Variants in KLF12 observed in about 807,000 individuals in gnomAD.
KLF12 encodes the protein KLF transcription factor 12.
KLF12 carries 9 observed loss-of-function variants against 37.8 expected under a neutral mutation model. The ratio of observed to expected loss-of-function variants is 0.24; its 90% confidence interval spans 0.14 to 0.42. The LOEUF (loss-of-function observed/expected upper bound fraction) is 0.42. Ranked by LOEUF, KLF12 falls within the 10% of genes least tolerant of loss-of-function variation. The probability of loss-of-function intolerance (pLI) is 1.00; values close to 1 mark genes in which losing one functional copy is unlikely to be tolerated. For synonymous variants in KLF12, 208 were observed against 202.1 expected, an observed-to-expected ratio of 1.03 and a Z score of -0.25; for missense variants, 411 against 516.0, an observed-to-expected ratio of 0.80 and a Z score of 1.97.
At chr13:73,818,089 T>C (rs558941124) in intron 4 of KLF12, among the ~76,000 whole-genome samples, 1 of 152,390 alleles carries the variant, frequency 6.6e-6, no homozygotes, top group African/African-American at 2.4e-5. Flanking sequence ...ATTGTGCAGC[T>C]AAGGTTCTTC....
the KLF12 span, among the ~76,000 whole-genome samples, chr13:74,236,154 C>T: frequency 6.9e-6 from 1 of 145,868 alleles, no homozygotes; most frequent in Non-Finnish European, 1.5e-5. Flanking sequence ...TCCATGTGTT[C>T]TCATTGTTCA....
chr13:74,179,403 G>A, the KLF12 span, among the ~76,000 whole-genome samples: 1 of 152,180 alleles, frequency 6.6e-6, no homozygotes, highest in Non-Finnish European at 1.5e-5. Flanking sequence ...CAAGGAAGAT[G>A]CTCTTACTTA....
chr13:73,727,845 G>GCAA (rs1876776533), intron 6 of KLF12, among the ~76,000 whole-genome samples: 1 of 151,984 alleles, frequency 6.6e-6, no homozygotes, highest in African/African-American at 2.4e-5. Context: ...TTACAGACGT[G>GCAA]CAACACCATG....
intron 1 of KLF12, among the ~76,000 whole-genome samples, chr13:74,045,995 C>T (rs2147627): frequency 0.81 from 122,594 of 152,178 alleles, 49,527 homozygotes; most frequent in East Asian, 0.91. Flanking sequence ...TGTTTTGTTC[C>T]TTATTTAGAA....
At chr13:73,992,114 G>C (rs1216130067) in intron 2 of KLF12, among the ~76,000 whole-genome samples, 3 of 152,170 alleles carry the variant, frequency 2.0e-5, no homozygotes, top group Non-Finnish European at 4.4e-5. Context: ...ATGTGGGATG[G>C]GTATGTTCTG....
intron 7 of KLF12, among the ~76,000 whole-genome samples, chr13:73,711,440 T>C (rs1256007512): frequency 6.6e-6 from 1 of 152,212 alleles, no homozygotes; most frequent in Non-Finnish European, 1.5e-5. Context: ...ATGGAGACAG[T>C]AACCTTCAGC....
chr13:74,109,267 A>G (rs1233166689), intron 1 of KLF12, among the ~76,000 whole-genome samples: 1 of 152,148 alleles, frequency 6.6e-6, no homozygotes, highest in Admixed American at 6.5e-5. Context: ...ACTAAATTTA[A>G]AAGTAGCTAG....
chr13:73,816,470 G>A (rs1439015470), intron 4 of KLF12, among the ~76,000 whole-genome samples: 3 of 152,226 alleles, frequency 2.0e-5, no homozygotes, highest in Non-Finnish European at 4.4e-5. Context: ...ATTCCTCGGA[G>A]TTGGAGGTGT....
At chr13:74,197,259 G>T in the KLF12 span, among the ~76,000 whole-genome samples, 5 of 152,170 alleles carry the variant, frequency 3.3e-5, no homozygotes, top group South Asian at 8.3e-4. Context: ...TGGTTATTTT[G>T]AATTCTGTAA....
intron 3 of KLF12, among the ~76,000 whole-genome samples, chr13:73,857,664 C>CT (rs1274122786): frequency 1.3e-5 from 2 of 152,112 alleles, no homozygotes; most frequent in African/African-American, 4.8e-5. Flanking sequence ...GGATGCGTAA[C>CT]TTTGTCTTAT....
At chr13:73,830,695 T>C (rs1042482649) in intron 4 of KLF12, among the ~76,000 whole-genome samples, 1 of 152,220 alleles carries the variant, frequency 6.6e-6, no homozygotes, top group Non-Finnish European at 1.5e-5. Flanking sequence ...AGAAAATTAC[T>C]ACTACCACAA....
At chr13:73,696,066 C>T (rs906204980) in intron 7 of KLF12, among the ~76,000 whole-genome samples, 1 of 152,010 alleles carries the variant, frequency 6.6e-6, no homozygotes, top group Non-Finnish European at 1.5e-5. Flanking sequence ...CTTGTTTCAA[C>T]ACCCCCCCAC....
At chr13:73,932,924 C>T (rs192588998) in intron 3 of KLF12, among the ~76,000 whole-genome samples, 23 of 152,220 alleles carry the variant, frequency 1.5e-4, no homozygotes, top group Admixed American at 3.3e-4. Flanking sequence ...GGTATCAGAT[C>T]ATGTCCAATG....
At chr13:74,198,780 G>T in the KLF12 span, among the ~76,000 whole-genome samples, 1 of 152,164 alleles carries the variant, frequency 6.6e-6, no homozygotes, top group African/African-American at 2.4e-5. Flanking sequence ...CATCCAGGGG[G>T]CTGGAAGTCC....
intron 1 of KLF12, among the ~76,000 whole-genome samples, chr13:74,000,092 A>C (rs1025821499): frequency 1.4e-4 from 21 of 152,170 alleles, no homozygotes; most frequent in Admixed American, 6.5e-5. Context: ...AATATTAAAA[A>C]AGAGAATGTG....
chr13:74,230,989 A>C, the KLF12 span, among the ~76,000 whole-genome samples: 1 of 151,416 alleles, frequency 6.6e-6, no homozygotes, highest in Non-Finnish European at 1.5e-5. Context: ...ATCTTAGTTG[A>C]ATCCTCAGTA....
At chr13:73,771,633 A>G (rs911644673) in intron 5 of KLF12, among the ~76,000 whole-genome samples, 7 of 152,268 alleles carry the variant, frequency 4.6e-5, no homozygotes, top group African/African-American at 1.4e-4. Context: ...TTCACTCAAC[A>G]GTTACTATAT....
chr13:74,124,120 C>A (rs185343229), intron 1 of KLF12, among the ~76,000 whole-genome samples: 2 of 152,188 alleles, frequency 1.3e-5, no homozygotes, highest in Non-Finnish European at 2.9e-5. Context: ...TATAATTCCA[C>A]CACACTCAAT....
chr13:74,199,171 G>A, the KLF12 span, among the ~76,000 whole-genome samples: 1 of 152,084 alleles, frequency 6.6e-6, no homozygotes, highest in Admixed American at 6.6e-5. Flanking sequence ...GAAATCCCTG[G>A]GCATAGCCCT....
Sources: gnomAD v4.1 joint callset for allele counts (sites outside exome capture counted in the v4.1 genomes callset) on GRCh38, gnomAD v4.1.1 for gene constraint, MANE v1.5 for transcripts, NCBI Gene and HGNC (gene_info 2026-07-23, HGNC 2026-07-21) for gene names.